Variants in ENKUR observed in about 807,000 individuals in gnomAD.
The protein encoded by ENKUR is enkurin, TRPC channel interacting protein, also known as enkurin.
ENKUR carries 19 observed loss-of-function variants against 27.6 expected under a neutral mutation model. The ratio of observed to expected loss-of-function variants is 0.69; its 90% CI spans 0.48 to 1.01. The LOEUF is 1.01. ENKUR is among the 50% of genes least tolerant of loss of function. The pLI, the probability that ENKUR is intolerant of heterozygous loss-of-function variation, is 0.00. For missense variants in ENKUR, 312 were observed against 310.5 expected (o/e 1.00, Z -0.04); for synonymous variants, 117 against 96.9 (o/e 1.21, Z -1.22).
intron 4 of ENKUR, among the ~76,000 whole-genome samples, chr10:24,986,933 T>G (rs1407167449): frequency 6.6e-6 from 1 of 152,188 alleles, no homozygotes; most frequent in Non-Finnish European, 1.5e-5. Context: ...ATCGTTCATT[T>G]TGGAAAAAAT....
chr10:25,027,302 G>T (rs1240599830), intron 2 of ENKUR, among the ~76,000 whole-genome samples: 5 of 137,466 alleles, frequency 3.6e-5, no homozygotes, highest in African/African-American at 1.4e-4. Flanking sequence ...TTTGCAGTGA[G>T]CCGAAATCGC....
At chr10:25,027,162 C>T (rs907935970) in intron 2 of ENKUR, among the ~76,000 whole-genome samples, 1 of 151,100 alleles carries the variant, frequency 6.6e-6, no homozygotes, top group Non-Finnish European at 1.5e-5. Flanking sequence ...CGAGACCAGC[C>T]TGACCAACAT....
chr10:24,984,878 G>A lies in ENKUR; in HGVS notation c.622C>T (p.His208Tyr). 5.0e-6 allele frequency: 8 copies of A among 1,613,138 alleles called. No homozygotes were observed. Among genetic ancestry groups the A allele is most frequent in the Non-Finnish European group, 5.9e-6 (7 of 1,179,678 alleles). ...ACCGAGAGGGACTGGAATTCTTTAT[G>A]CACCTCTTCCCAGTTCTTTTTCAGC... ...QGLKKNWEEV[H>Y]KEFQSLSVFI... The change falls in exon 5 of 6, where the codon CAT becomes TAT. Residue 208 changes from histidine to tyrosine, a missense_variant. Physicochemically the swap from His to Tyr is moderately conservative, Grantham distance 83. Coordinates refer to ENST00000331161, the MANE Select transcript of ENKUR (RefSeq NM_145010.4).
intron 2 of ENKUR, among the ~76,000 whole-genome samples, chr10:25,059,913 A>C (rs974203873): frequency 3.3e-5 from 5 of 152,132 alleles, no homozygotes; most frequent in African/African-American, 1.2e-4. Flanking sequence ...GAGAGGCTAA[A>C]AAACCCTGGA....
intron 2 of ENKUR, chr10:25,025,291 AG>A (rs1383341179): frequency 6.2e-7 from 1 of 1,614,074 alleles, no homozygotes; most frequent in African/African-American, 1.3e-5. Context: ...GACTTCATCA[AG>A]TCAGCTCTAT....
rs767687459 is a variant in ENKUR, at chr10:25,054,683, A to AT, written c.37+6428dup. The stretch of plus-strand genomic sequence containing the variant: ...AGCATTTCTATGATGTGGGCGATTA[A>AT]TTTTTTTTTTTTTTTCTGAGACAGG... On this transcript the variant is annotated intron_variant, in intron 2 of 5. Transcript: ENST00000615958. Among the ~76,000 whole-genome samples, 329 of 136,026 alleles carry AT rather than the reference A, an allele frequency of 2.4e-3. 1 individual carries two copies. Among genetic ancestry groups the AT allele is most frequent in the East Asian group, 6.9e-3 (33 of 4,768 alleles). 89.2% of individuals were successfully genotyped at this position (136,026 alleles called of 152,430 possible). A position where few individuals can be genotyped will look rare whatever the true frequency, so the allele number is the denominator to read the frequency against.
chr10:24,999,609 T>C, intron 1 of ENKUR, 63 bp from the exon 2 acceptor site: 3 of 1,365,928 alleles, frequency 2.2e-6, no homozygotes, highest in Non-Finnish European at 3.0e-6. Flanking sequence ...TAAAGTTTAC[T>C]TAAAGTTTAA....
chr10:25,052,111 T>G (rs1006386913), intron 2 of ENKUR, among the ~76,000 whole-genome samples: 13 of 152,230 alleles, frequency 8.5e-5, no homozygotes, highest in African/African-American at 2.9e-4. Flanking sequence ...TCCTTAGAAT[T>G]CTTGGGTAGA....
upstream of ENKUR, chr10:25,016,193 G>A: frequency 8.5e-7 from 1 of 1,174,734 alleles, no homozygotes; most frequent in Non-Finnish European, 1.1e-6. Context: ...AGGCAACGAG[G>A]AAGTGGCAGG....
chr10:25,020,981 T>C (rs916594627), upstream of ENKUR, among the ~76,000 whole-genome samples: 13 of 152,232 alleles, frequency 8.5e-5, no homozygotes, highest in Non-Finnish European at 1.6e-4. Flanking sequence ...ATTGATGTTA[T>C]GGTTCAAGTA....
chr10:25,011,003 C>T (rs1314360422), intron 1 of ENKUR, among the ~76,000 whole-genome samples: 1 of 150,382 alleles, frequency 6.6e-6, no homozygotes, highest in Non-Finnish European at 1.5e-5. Flanking sequence ...AGTTCTAGAT[C>T]CCTGAGGAAT....
chr10:25,050,590 G>C (rs1851177197), intron 2 of ENKUR, among the ~76,000 whole-genome samples: 1 of 152,142 alleles, frequency 6.6e-6, no homozygotes, highest in African/African-American at 2.4e-5. Context: ...ACGACTCGTG[G>C]GAACTATGGG....
intron 2 of ENKUR, among the ~76,000 whole-genome samples, chr10:25,058,931 A>T (rs1162161561): frequency 1.9e-4 from 8 of 42,154 alleles, no homozygotes; most frequent in African/African-American, 2.5e-4. Context: ...ACTCCATCTT[A>T]AAAAAAAAAA....
In ENKUR at chr10:24,995,795, G is replaced by C; in HGVS notation, c.298C>G (p.Gln100Glu). 1 of 1,614,010 alleles carries C rather than the reference G, an allele frequency of 6.2e-7. No homozygotes were observed. Residue 100 changes from glutamine to glutamate, a missense_variant, in exon 3 of 6, where the codon CAG becomes GAG. Transcript: ENST00000331161. ...GTATTTATAAAATTTTTTCCACTCT[G>C]TATTCCCATGACAGGATGATCAGTC... Reference protein sequence around the residue: ...LKTDHPVMGIQSGKNFINTNA... With the variant: ...LKTDHPVMGIESGKNFINTNA...
chr10:25,033,544 C>T (rs891653068), intron 2 of ENKUR, among the ~76,000 whole-genome samples: 4 of 152,070 alleles, frequency 2.6e-5, no homozygotes, highest in Non-Finnish European at 5.9e-5. Context: ...TTTGCGTAAC[C>T]CTTTCTTCCC....
chr10:25,055,665 T>G, intron 2 of ENKUR, among the ~76,000 whole-genome samples: 1 of 152,166 alleles, frequency 6.6e-6, no homozygotes, highest in East Asian at 1.9e-4. Flanking sequence ...ATCAAAAAAT[T>G]ATCTTCGATT....
intron 2 of ENKUR, among the ~76,000 whole-genome samples, chr10:25,056,994 A>T (rs897974870): frequency 6.6e-6 from 1 of 152,226 alleles, no homozygotes; most frequent in Non-Finnish European, 1.5e-5. Flanking sequence ...GACTGGTCTC[A>T]TCGCTCTCCA....
chr10:25,061,899 T>C (rs1000432409), intron 1 of ENKUR, among the ~76,000 whole-genome samples: 28 of 152,196 alleles, frequency 1.8e-4, no homozygotes, highest in African/African-American at 6.3e-4. Context: ...TCTTTATATG[T>C]AGGATAGTTA....
intron 1 of ENKUR, among the ~76,000 whole-genome samples, chr10:25,002,050 A>G (rs948172405): frequency 2.6e-5 from 4 of 152,078 alleles, no homozygotes; most frequent in Non-Finnish European, 5.9e-5. Flanking sequence ...AAACAGTGTG[A>G]TCATTTTAAG....
Sources: allele counts gnomAD v4.1 joint callset (sites outside exome capture counted in the v4.1 genomes callset), GRCh38; gene constraint gnomAD v4.1.1; transcripts MANE v1.5; gene names NCBI Gene and HGNC (gene_info 2026-07-23, HGNC 2026-07-21).